Variants in ZNF346 observed in about 807,000 individuals in gnomAD.
The protein encoded by ZNF346 is zinc finger protein 346.
In ZNF346, 23 loss-of-function variants were observed where a neutral mutation model predicts 33.7. The observed-to-expected ratio is 0.68, with a 90% CI of 0.49 to 0.97. ZNF346 has a LOEUF of 0.97. Ranked by LOEUF, ZNF346 falls within the 50% of genes least tolerant of loss-of-function variation. The pLI is 0.00. For synonymous variants in ZNF346, 134 were observed against 142.4 expected (o/e 0.94, Z 0.42); for missense variants, 340 against 371.1 (o/e 0.92, Z 0.69).
intron 6 of ZNF346, among the ~76,000 whole-genome samples, chr5:177,063,598 G>A (rs1266996446): frequency 6.6e-6 from 1 of 151,982 alleles, no homozygotes; most frequent in Non-Finnish European, 1.5e-5. Flanking sequence ...CCCTCCCTGG[G>A]GCTACCCACA....
At chr5:177,049,086 T>G (rs908642479) in intron 4 of ZNF346, among the ~76,000 whole-genome samples, 1 of 152,164 alleles carries the variant, frequency 6.6e-6, no homozygotes, top group African/African-American at 2.4e-5. Context: ...GCGCCTGGCC[T>G]GTAACTTGCT....
intron 5 of ZNF346, among the ~76,000 whole-genome samples, chr5:177,051,168 T>G (rs1432475250): frequency 6.7e-6 from 1 of 148,158 alleles, no homozygotes; most frequent in Non-Finnish European, 1.5e-5. Context: ...AGGTTTTCTT[T>G]TCTTTTTTTT....
At chr5:177,048,616 C>A (rs534537155) in intron 4 of ZNF346, among the ~76,000 whole-genome samples, 1 of 151,884 alleles carries the variant, frequency 6.6e-6, no homozygotes, top group Non-Finnish European at 1.5e-5. Flanking sequence ...AGCAAAACTC[C>A]ATCTCAAAAA....
At chr5:177,032,022 T>C (rs957265909) in intron 1 of ZNF346, among the ~76,000 whole-genome samples, 7 of 129,336 alleles carry the variant, frequency 5.4e-5, no homozygotes, top group Non-Finnish European at 1.1e-4. Context: ...TTTTTTTTTT[T>C]TTGAGATGGA....
Position 177,067,065 on chromosome 5 carries a change from A to G in ZNF346, c.*2466A>G, listed in dbSNP as rs1225537059. ...GTGACAGAGTGAGACTCCTGTCTCA[A>G]AATAAATAAATAATAAATTTTAAAA... On this transcript the variant is annotated 3_prime_UTR_variant, in exon 7 of 7. Coordinates refer to ENST00000358149, the MANE Select transcript of ZNF346 (RefSeq NM_012279.4). Among the ~76,000 whole-genome samples, 1 of 152,094 alleles carries G rather than the reference A, an allele frequency of 6.6e-6. No homozygotes were observed.
chr5:177,046,155 G>T (rs1780006741), intron 4 of ZNF346, among the ~76,000 whole-genome samples: 1 of 151,976 alleles, frequency 6.6e-6, no homozygotes, highest in South Asian at 2.1e-4. Flanking sequence ...ACAAAAATTA[G>T]CTGGGTGTGG....
rs181188292 is a variant in ZNF346, at chr5:177,026,124, C to T, written c.175+3211C>T. 2.3e-3 allele frequency among the ~76,000 whole-genome samples: 354 copies of T among 151,894 alleles called. 2 individuals carry two copies. The highest frequency in any genetic ancestry group is 8.1e-3 in the African/African-American group (334 of 41,422). On this transcript the variant is annotated intron_variant, in intron 1 of 6. Transcript: ENST00000358149. ...AGGTCAAGCGATTCTCCTGCCTCAG[C>T]GTCCCGAGTAGCTGGGATTACAGGT... is the stretch of plus-strand genomic sequence containing the variant.
intron 5 of ZNF346, chr5:177,052,436 A>G (rs10050891): frequency 0.14 from 21,230 of 148,460 alleles, 3,179 homozygotes; most frequent in African/African-American, 0.38. Flanking sequence ...ACCCGCCATG[A>G]CCTCCCAAAG....
intron 8 of ZNF346, among the ~76,000 whole-genome samples, chr5:177,078,345 A>G (rs946446483): frequency 3.3e-5 from 5 of 152,196 alleles, no homozygotes; most frequent in Non-Finnish European, 4.4e-5. Flanking sequence ...CTCTACCTGG[A>G]GCTCACTGCA....
intron 8 of ZNF346, among the ~76,000 whole-genome samples, chr5:177,079,018 C>T (rs987143062): frequency 1.3e-5 from 2 of 152,042 alleles, no homozygotes; most frequent in Admixed American, 1.3e-4. Context: ...CGCCTATAAT[C>T]CCAGCACTTT....
chr5:177,039,180 C>T (rs1250649218), intron 1 of ZNF346, among the ~76,000 whole-genome samples: 2 of 151,782 alleles, frequency 1.3e-5, no homozygotes, highest in East Asian at 1.9e-4. Flanking sequence ...CATTACCAAT[C>T]GTGCCTGGCC....
At chr5:177,078,735 T>C (rs1342189314) in intron 8 of ZNF346, among the ~76,000 whole-genome samples, 1 of 145,958 alleles carries the variant, frequency 6.9e-6, no homozygotes, top group Non-Finnish European at 1.5e-5. Context: ...AACATGGTGA[T>C]ACCCGTCTCT....
At chr5:177,068,701 C>T (rs1339302065), downstream of ZNF346, among the ~76,000 whole-genome samples, 2 of 142,218 alleles carry the variant, frequency 1.4e-5, no homozygotes, top group Admixed American at 1.4e-4. Flanking sequence ...GTCAGCTCCA[C>T]CTAAAACATT....
chr5:177,028,122 C>T (rs1162457391), intron 1 of ZNF346, among the ~76,000 whole-genome samples: 1 of 135,810 alleles, frequency 7.4e-6, no homozygotes, highest in Non-Finnish European at 1.5e-5. Flanking sequence ...CTGCAGCCTT[C>T]GCCTCCCAGG....
At chr5:177,068,060 G>GCTGCTCGCTGAGGCAGGAGAATCGCT (rs1243986771), downstream of ZNF346, among the ~76,000 whole-genome samples, 204 of 119,204 alleles carry the variant, frequency 1.7e-3, 6 homozygotes, top group African/African-American at 8.2e-3. Context: ...GTAGAATCCA[G>GCTGCTCGCTGAGGCAGGAGAATCGCT]TTCTCTAGAC....
intron 1 of ZNF346, 67 bp downstream of exon 1, chr5:177,022,980 G>T: frequency 6.9e-7 from 1 of 1,439,752 alleles, no homozygotes; most frequent in Non-Finnish European, 9.1e-7. Flanking sequence ...AACTGCGGAA[G>T]CGCCGACGGT....
chr5:177,058,586 T>G (rs1000129732), intron 5 of ZNF346, among the ~76,000 whole-genome samples: 4 of 152,334 alleles, frequency 2.6e-5, no homozygotes, highest in Admixed American at 2.6e-4. Context: ...TAAATAGATA[T>G]GATTTTGACC....
chr5:177,075,082 A>T lies in ZNF346; in HGVS notation c.*3-4300A>T, dbSNP rs550059395. Among the ~76,000 whole-genome samples the T allele has an allele frequency of 3.2e-4, 48 of 150,424 alleles. 1 individual carries two copies. The highest frequency in any genetic ancestry group is 1.1e-3 in the African/African-American group (47 of 40,896). On this transcript the variant is annotated intron_variant, in intron 8 of 8. Transcript: ENST00000503039. ...CTCCCTCCGTCTCAAAAAAAAAAGAATTTTTTTTAAATAAAAATAAAATAT... is the reference window on the plus strand; with the variant it reads ...CTCCCTCCGTCTCAAAAAAAAAAGATTTTTTTTTAAATAAAAATAAAATAT...
rs1266027574 is a variant in ZNF346 at position 177,065,885 on chromosome 5, T to C, written c.*1286T>C. The C allele has an allele frequency of 6.6e-6, 1 of 151,038 alleles. No homozygotes were observed. The highest frequency in any genetic ancestry group is 2.4e-5 in the African/African-American group (1 of 40,974). The allele number at this position is 151,038 out of a possible 1,614,324, so 9.4% of individuals were successfully genotyped here. A position where few individuals can be genotyped will look rare whatever the true frequency, so the allele number is the denominator to read the frequency against. ...GTGTGTGTGTGTGTGTGTGTGTTTG[T>C]GTGTATGTGTGTGCTTCTGTGTGTG... On this transcript the variant is annotated 3_prime_UTR_variant, in exon 7 of 7. Transcript: ENST00000358149.
Sources: gnomAD v4.1 joint callset for allele counts (sites outside exome capture counted in the v4.1 genomes callset) on GRCh38, gnomAD v4.1.1 for gene constraint, MANE v1.5 for transcripts, NCBI Gene and HGNC (gene_info 2026-07-23, HGNC 2026-07-21) for gene names.